RERE: variants seen among roughly 807,000 people sequenced by gnomAD.
The protein encoded by RERE is arginine-glutamic acid dipeptide repeats protein.
A neutral mutation model predicts 146.1 loss-of-function variants in RERE; 40 were observed. That is an observed-to-expected ratio of 0.27 (90% confidence interval 0.21 to 0.36). The LOEUF (loss-of-function observed/expected upper bound fraction) is 0.36, where lower values mean the gene tolerates loss of function less well. RERE is among the 10% of genes least tolerant of loss of function. The probability of loss-of-function intolerance (pLI) is 1.00; values close to 1 mark genes in which losing one functional copy is unlikely to be tolerated. For synonymous variants in RERE, 1,003 were observed against 866.0 expected, an observed-to-expected ratio of 1.16 and a Z score of -2.78; for missense variants, 1,933 against 2,138.7, an observed-to-expected ratio of 0.90 and a Z score of 1.90.
intron 4 of RERE, among the ~76,000 whole-genome samples, chr1:8,583,431 GA>G (rs1489687923): frequency 6.6e-6 from 1 of 152,194 alleles, no homozygotes; most frequent in Non-Finnish European, 1.5e-5. Context: ...CTAAGATCAG[GA>G]GGACCGTAAA....
At chr1:8,713,718 G>A (rs542885899) in intron 1 of RERE, among the ~76,000 whole-genome samples, 2 of 152,086 alleles carry the variant, frequency 1.3e-5, no homozygotes, top group East Asian at 1.9e-4. Context: ...TGGGCAACAA[G>A]AGCAAAACTC....
chr1:8,403,825 CTTTTTT>C (rs869295197), intron 12 of RERE, among the ~76,000 whole-genome samples: 52 of 70,862 alleles, frequency 7.3e-4, no homozygotes, highest in South Asian at 2.1e-3. Context: ...AAAATCTTAG[CTTTTTT>C]TTTTTTTTTT....
In RERE at chr1:8,353,527, G is replaced by C. The variant is rs534416261; in HGVS notation, c.*1560C>G. The stretch of plus-strand genomic sequence containing the variant: ...TGTCTGAGAGAAAAGGATCGGAAGA[G>C]GCCACGTCCTGGCAGGAAGCAGGGC... On this transcript the variant is annotated 3_prime_UTR_variant, in exon 23 of 23. Transcript: ENST00000400908. 6 of 152,448 alleles carry C rather than the reference G, an allele frequency of 3.9e-5. No individual in the cohort carries two copies. The East Asian group carries it at 9.6e-4, about 24-fold the overall frequency. 9.4% of individuals were successfully genotyped at this position (152,448 alleles called of 1,614,324 possible).
intron 1 of RERE, among the ~76,000 whole-genome samples, chr1:8,806,585 C>T (rs1174654987): frequency 1.3e-5 from 2 of 152,018 alleles, no homozygotes; most frequent in Non-Finnish European, 2.9e-5. Context: ...AGCCAAATCT[C>T]CCTTATCTCT....
chr1:8,617,343 C>CAAAAAAAAAAA lies in RERE; in HGVS notation c.397-2668_397-2658dup, dbSNP rs58933208. Among the ~76,000 whole-genome samples, 320 of 79,882 alleles carry CAAAAAAAAAAA rather than the reference C, an allele frequency of 4.0e-3. 11 individuals carry two copies. Among genetic ancestry groups the CAAAAAAAAAAA allele is most frequent in the Middle Eastern group, 6.5e-3 (1 of 154 alleles). 52.4% of individuals were successfully genotyped at this position (79,882 alleles called of 152,430 possible). A position where few individuals can be genotyped will look rare whatever the true frequency, so the allele number is the denominator to read the frequency against. ...GGGTGACAAGAGTGAAACTCTGTCT[C>CAAAAAAAAAAA]AAAAAAAAAAAAAAGAATTCCATCC... On this transcript the variant is annotated intron_variant, in intron 3 of 22. Transcript: ENST00000400908.
At chr1:8,740,221 A>C (rs1483308039) in intron 1 of RERE, among the ~76,000 whole-genome samples, 1 of 152,218 alleles carries the variant, frequency 6.6e-6, no homozygotes, top group East Asian at 1.9e-4. Flanking sequence ...ACACAAGCCT[A>C]GATGATACCC....
intron 7 of RERE, among the ~76,000 whole-genome samples, chr1:8,529,000 T>C (rs1240713894): frequency 6.6e-6 from 1 of 152,188 alleles, no homozygotes; most frequent in African/African-American, 2.4e-5. Flanking sequence ...ATTCTGGATT[T>C]TGAAGCATTT....
intron 6 of RERE, among the ~76,000 whole-genome samples, chr1:8,552,757 T>G (rs1459136400): frequency 6.6e-6 from 1 of 152,236 alleles, no homozygotes; most frequent in Non-Finnish European, 1.5e-5. Context: ...AGGCAAAGCT[T>G]CTTTCACAGT....
chr1:8,628,184 A>C (rs1465634469), intron 2 of RERE, among the ~76,000 whole-genome samples: 7 of 152,250 alleles, frequency 4.6e-5, no homozygotes, highest in Non-Finnish European at 8.8e-5. Flanking sequence ...GAGTGCATCA[A>C]GTGAGCTCTA....
chr1:8,409,451 G>C (rs1431507980), intron 12 of RERE, among the ~76,000 whole-genome samples: 1 of 152,180 alleles, frequency 6.6e-6, no homozygotes, highest in East Asian at 1.9e-4. Flanking sequence ...ACTGTTTTGG[G>C]GAGAGGAATA....
At chr1:8,771,362 A>G (rs1172526887) in intron 1 of RERE, among the ~76,000 whole-genome samples, 1 of 151,832 alleles carries the variant, frequency 6.6e-6, no homozygotes, top group African/African-American at 2.4e-5. Context: ...TCTCTACTAA[A>G]AATACAAAAA....
intron 12 of RERE, among the ~76,000 whole-genome samples, chr1:8,414,137 G>A (rs1024008451): frequency 1.3e-5 from 2 of 151,644 alleles, no homozygotes; most frequent in Non-Finnish European, 2.9e-5. Context: ...CTTCACTAGG[G>A]GCCATGAAGG....
intron 1 of RERE, among the ~76,000 whole-genome samples, chr1:8,812,854 A>G (rs936179264): frequency 2.0e-5 from 3 of 152,174 alleles, no homozygotes; most frequent in Non-Finnish European, 4.4e-5. Flanking sequence ...TTTGAACTTG[A>G]GTTGTGTTCA....
intron 1 of RERE, among the ~76,000 whole-genome samples, chr1:8,797,228 T>C (rs1274238812): frequency 6.6e-6 from 1 of 152,080 alleles, no homozygotes; most frequent in Admixed American, 6.6e-5. Context: ...GTTGTTTTAA[T>C]TGAAAACAAA....
chr1:8,564,866 GTGTGTATATA>G (rs1167426529), intron 4 of RERE, among the ~76,000 whole-genome samples: 1 of 131,420 alleles, frequency 7.6e-6, no homozygotes, highest in Admixed American at 7.5e-5. Context: ...GTGTGTGTGT[GTGTGTATATA>G]TATATATAAA....
chr1:8,611,152 G>A (rs1426313794), intron 4 of RERE, among the ~76,000 whole-genome samples: 1 of 151,898 alleles, frequency 6.6e-6, no homozygotes, highest in South Asian at 2.1e-4. Flanking sequence ...CTGAGATCAT[G>A]CCACTGCACT....
chr1:8,773,199 G>C (rs1640988324), intron 1 of RERE, among the ~76,000 whole-genome samples: 1 of 152,156 alleles, frequency 6.6e-6, no homozygotes, highest in South Asian at 2.1e-4. Flanking sequence ...GAAAGTTTTT[G>C]AGAATTTTAA....
At chr1:8,607,528 A>ATTTT (rs1557431314) in intron 4 of RERE, among the ~76,000 whole-genome samples, 2 of 77,020 alleles carry the variant, frequency 2.6e-5, no homozygotes, top group East Asian at 1.5e-3. Context: ...GTTTTTATAT[A>ATTTT]TATTTCTTTT....
chr1:8,647,466 A>C (rs1326112673), intron 2 of RERE, among the ~76,000 whole-genome samples: 1 of 152,222 alleles, frequency 6.6e-6, no homozygotes, highest in African/African-American at 2.4e-5. Flanking sequence ...CCTTTATGCT[A>C]TGTTACACAA....
Sources: gnomAD v4.1 joint callset for allele counts (sites outside exome capture counted in the v4.1 genomes callset) on GRCh38, gnomAD v4.1.1 for gene constraint, MANE v1.5 for transcripts, NCBI Gene and HGNC (gene_info 2026-07-23, HGNC 2026-07-21) for gene names.